Variants in CTNNAL1 observed in about 807,000 individuals in gnomAD.
CTNNAL1 encodes the protein alpha-catulin.
Under a neutral mutation model 93.6 loss-of-function variants are expected in CTNNAL1, and 69 were observed. The ratio of observed to expected loss-of-function variants is 0.74; its 90% CI spans 0.61 to 0.90. The LOEUF (loss-of-function observed/expected upper bound fraction) is 0.90, where lower values mean the gene tolerates loss of function less well. Ranked by LOEUF, CTNNAL1 falls within the 40% of genes least tolerant of loss-of-function variation. The pLI, the probability that CTNNAL1 is intolerant of heterozygous loss-of-function variation, is 0.00. For missense variants in CTNNAL1, 836 were observed against 862.0 expected (o/e 0.97, Z 0.38); for synonymous variants, 286 against 305.4 (o/e 0.94, Z 0.66).
intron 10 of CTNNAL1, among the ~76,000 whole-genome samples, chr9:108,967,454 C>T (rs141620507): frequency 7.7e-4 from 118 of 152,290 alleles, no homozygotes; most frequent in African/African-American, 2.2e-3. Context: ...ACTGTGCCCA[C>T]GTTCCAGGTG....
chr9:108,981,517 A>C (rs2151426), intron 6 of CTNNAL1, among the ~76,000 whole-genome samples: 32,351 of 151,658 alleles, frequency 0.21, 4,227 homozygotes, highest in East Asian at 0.3. Flanking sequence ...AATTATATCC[A>C]CCTAAAGGGC....
At chr9:108,945,453 G>T in intron 15 of CTNNAL1, among the ~76,000 whole-genome samples, 1 of 149,344 alleles carries the variant, frequency 6.7e-6, no homozygotes, top group African/African-American at 2.5e-5. Context: ...ATATTTTATT[G>T]GTTTTCTTCC....
At chr9:108,950,842 A>C (rs908857374) in intron 14 of CTNNAL1, 2 of 389,856 alleles carry the variant, frequency 5.1e-6, no homozygotes, top group Non-Finnish European at 4.5e-6. Context: ...ATGAGGTAAG[A>C]CTTTGTAATT....
At chr9:108,994,905 C>T (rs1831957268) in intron 2 of CTNNAL1, among the ~76,000 whole-genome samples, 2 of 152,154 alleles carry the variant, frequency 1.3e-5, no homozygotes, top group Admixed American at 1.3e-4. Flanking sequence ...GTGAGGCCTC[C>T]AGCCAACAGC....
At position 108,952,339 on chromosome 9, in the gene CTNNAL1, C is replaced by T; in HGVS notation, c.1705G>A (p.Gly569Arg). The change falls in exon 14 of 19, where the codon GGA (glycine) becomes AGA (arginine). Residue 569 changes from glycine to arginine, a missense_variant. By Grantham distance (125) the Gly-to-Arg change is moderately radical. Transcript: ENST00000325551. Reference sequence around the variant, plus strand: ...GAGGTGAGCAAACCCAGCTTAAGTCCAAGCTTTGCTATCTTGGCTTGCTCC... The same window carrying T: ...GAGGTGAGCAAACCCAGCTTAAGTCTAAGCTTTGCTATCTTGGCTTGCTCC... The part of the protein sequence containing the change: ...SEEQAKIAKL[G>R]LKLGLLTSDA... 6.2e-7 allele frequency: 1 copy of T among 1,614,142 alleles called. No individual in the cohort carries two copies. Among genetic ancestry groups the T allele is most frequent in the Non-Finnish European group, 8.5e-7 (1 of 1,180,026 alleles).
At chr9:108,972,864 G>GGGGGGGCGCCCCCC in intron 8 of CTNNAL1, 31 bp from the exon 9 acceptor site, 6 of 142,532 alleles carry the variant, frequency 4.2e-5, no homozygotes, top group Non-Finnish European at 6.0e-5. Flanking sequence ...GGGGGGGTGG[G>GGGGGGGCGCCCCCC]AGGGTGGAGA....
At chr9:108,943,599 G>T in intron 17 of CTNNAL1, 104 bp downstream of exon 17, 1 of 864,710 alleles carries the variant, frequency 1.2e-6, no homozygotes, top group Non-Finnish European at 1.7e-6. Context: ...ATGAAAAAAG[G>T]AAATAAATTG....
chr9:108,972,854 G>A, intron 8 of CTNNAL1, 21 bp from the exon 9 acceptor site: 2 of 975,138 alleles, frequency 2.1e-6, no homozygotes, highest in Non-Finnish European at 2.8e-6. Context: ...GTGTGTGGGT[G>A]GGGGGGTGGG....
At chr9:108,954,879 A>G (rs892938316) in intron 12 of CTNNAL1, among the ~76,000 whole-genome samples, 6 of 151,400 alleles carry the variant, frequency 4.0e-5, no homozygotes, top group African/African-American at 1.5e-4. Flanking sequence ...AGACTTTAAT[A>G]TCTCTCTTCA....
intron 14 of CTNNAL1, among the ~76,000 whole-genome samples, chr9:108,951,289 A>T (rs1830558545): frequency 6.6e-6 from 1 of 151,498 alleles, no homozygotes; most frequent in South Asian, 2.1e-4. Flanking sequence ...TGCTGGGATT[A>T]CAGGCGTGAG....
At chr9:108,958,063 C>CAAAAAAAAAAAAAA (rs11291554) in intron 11 of CTNNAL1, among the ~76,000 whole-genome samples, 15 of 85,096 alleles carry the variant, frequency 1.8e-4, no homozygotes, top group Middle Eastern at 6.7e-3. Flanking sequence ...AAGACTGTCT[C>CAAAAAAAAAAAAAA]AAAAAAAAAA....
At chr9:108,965,349 C>T (rs1587956792) in intron 11 of CTNNAL1, 29 bp downstream of exon 11, 2 of 1,360,838 alleles carry the variant, frequency 1.5e-6, no homozygotes, top group Admixed American at 5.8e-5. Flanking sequence ...AAAATAATAA[C>T]ATATTTCATT....
In CTNNAL1 at chr9:108,965,229, T is replaced by C. The variant is rs28361153; in HGVS notation, c.1591+149A>G. The stretch of plus-strand genomic sequence containing the variant: ...ATAAAGGAGGATAAAATAATATTTT[T>C]GTAATTTTTTTGTGAACAATATTTT... On this transcript the variant is annotated intron_variant, in intron 11 of 18. Transcript: ENST00000325551. 3.1e-3 allele frequency: 1,756 copies of C among 570,122 alleles called. 23 individuals carry two copies. The highest frequency in any genetic ancestry group is 0.029 in the African/African-American group (1,467 of 51,382). The allele number at this position is 570,122 out of a possible 1,614,324, so 35.3% of individuals were successfully genotyped here. A position where few individuals can be genotyped will look rare whatever the true frequency, so the allele number is the denominator to read the frequency against.
chr9:109,001,948 G>A (rs1365545044), intron 1 of CTNNAL1, among the ~76,000 whole-genome samples: 1 of 152,224 alleles, frequency 6.6e-6, no homozygotes, highest in Non-Finnish European at 1.5e-5. Flanking sequence ...GATCTGGGGT[G>A]AGGCTGTAAC....
At chr9:109,007,109 C>T (rs1827051404) in intron 1 of CTNNAL1, among the ~76,000 whole-genome samples, 1 of 152,006 alleles carries the variant, frequency 6.6e-6, no homozygotes, top group African/African-American at 2.4e-5. Context: ...TGCCTGGGTG[C>T]CTGTAATCCC....
At chr9:109,004,041 G>A (rs1826936580) in intron 1 of CTNNAL1, among the ~76,000 whole-genome samples, 1 of 152,062 alleles carries the variant, frequency 6.6e-6, no homozygotes, top group Admixed American at 6.6e-5. Context: ...TACTTTTGAG[G>A]GCAAGTCATA....
At chr9:108,972,865 A>ACAC in intron 8 of CTNNAL1, 32 bp from the exon 9 acceptor site, 1 of 219,274 alleles carries the variant, frequency 4.6e-6, no homozygotes, top group Non-Finnish European at 6.2e-6. Flanking sequence ...GGGGGGTGGG[A>ACAC]GGGTGGAGAA....
chr9:108,976,942 A>G lies in CTNNAL1; in HGVS notation c.1188+20T>C, dbSNP rs1446408454. 1.8e-6 allele frequency: 2 copies of G among 1,113,258 alleles called. No homozygotes were observed. The highest frequency in any genetic ancestry group is 1.3e-6 in the Non-Finnish European group (1 of 791,964). 69.0% of individuals were successfully genotyped at this position (1,113,258 alleles called of 1,614,324 possible). On this transcript the variant is annotated intron_variant, in intron 8 of 18. Coordinates refer to ENST00000325551, the MANE Select transcript of CTNNAL1 (RefSeq NM_003798.4). Reference sequence around the variant, plus strand: ...AAATCACAAAGAATTAGAAGAGGCTAAATTTCAAACTATACTTACTTCTTT... The same window carrying G: ...AAATCACAAAGAATTAGAAGAGGCTGAATTTCAAACTATACTTACTTCTTT...
In CTNNAL1 at chr9:108,944,017, A is replaced by C. The variant is rs757454468; in HGVS notation, c.1886T>G (p.Val629Gly). 2 of 1,613,344 alleles carry C rather than the reference A, an allele frequency of 1.2e-6. No individual in the cohort carries two copies. The highest frequency in any genetic ancestry group is 1.1e-5 in the South Asian group (1 of 90,878). Residue 629 changes from valine to glycine, a missense_variant and splice_region_variant, in exon 16 of 19, where the codon GTT (valine) becomes GGT (glycine). By Grantham distance (109) the Val-to-Gly change is moderately radical. Transcript: ENST00000325551. ...TSQDLIHQLE[V>G]FAAEGLKLTS... Reference sequence around the variant, plus strand: ...AAGCTTTAAACCCTCTGCAGCAAAAACCTGGTAGAAAGAGAAAACACCACT... The same window carrying C: ...AAGCTTTAAACCCTCTGCAGCAAAACCCTGGTAGAAAGAGAAAACACCACT...
Sources: allele counts gnomAD v4.1 joint callset (sites outside exome capture counted in the v4.1 genomes callset), GRCh38; gene constraint gnomAD v4.1.1; transcripts MANE v1.5; gene names NCBI Gene and HGNC (gene_info 2026-07-23, HGNC 2026-07-21).